SAMD12: variants seen among roughly 807,000 people sequenced by gnomAD.
The protein encoded by SAMD12 is sterile alpha motif domain-containing protein 12.
Under a neutral mutation model 15.0 loss-of-function variants are expected in SAMD12, and 9 were observed. That is an observed-to-expected ratio of 0.60 (90% CI 0.36 to 1.05). The LOEUF is 1.05. SAMD12 is among the 50% of genes least tolerant of loss of function. SAMD12 has a pLI of 0.01. For missense variants in SAMD12, 230 were observed against 234.2 expected (o/e 0.98, Z 0.12); for synonymous variants, 86 against 90.1 (o/e 0.96, Z 0.25).
At chr8:118,144,277 G>C in the SAMD12 span, among the ~76,000 whole-genome samples, 2 of 152,102 alleles carry the variant, frequency 1.3e-5, no homozygotes, top group African/African-American at 4.8e-5. Context: ...CACATCACAA[G>C]CTCCAATGTT....
At chr8:118,472,200 T>C (rs1250057206) in intron 2 of SAMD12, among the ~76,000 whole-genome samples, 1 of 150,678 alleles carries the variant, frequency 6.6e-6, no homozygotes, top group Non-Finnish European at 1.5e-5. Flanking sequence ...GGCAGGAGTA[T>C]GGCGTGAACC....
At chr8:118,287,120 A>ATTTTTT (rs202195351) in intron 4 of SAMD12, among the ~76,000 whole-genome samples, 1 of 132,808 alleles carries the variant, frequency 7.5e-6, no homozygotes, top group African/African-American at 3.0e-5. Flanking sequence ...GTAAGGAAGA[A>ATTTTTT]TATTTTTTTT....
chr8:118,366,548 C>A (rs1818776772), intron 4 of SAMD12, among the ~76,000 whole-genome samples: 2 of 152,100 alleles, frequency 1.3e-5, no homozygotes, highest in South Asian at 4.1e-4. Flanking sequence ...CACGGTGGCT[C>A]ATGCCTGTAA....
intron 2 of SAMD12, among the ~76,000 whole-genome samples, chr8:118,550,857 A>T (rs576659817): frequency 3.3e-5 from 5 of 150,818 alleles, no homozygotes; most frequent in Admixed American, 3.3e-4. Context: ...ATGGAAAACA[A>T]AAAAAGGCAG....
chr8:118,400,461 C>CA (rs112932723), intron 3 of SAMD12: 1 of 151,708 alleles, frequency 6.6e-6, no homozygotes, highest in African/African-American at 2.4e-5. Context: ...AAGAGAGTAA[C>CA]AAAAACAGAG....
chr8:118,605,765 AATATATATATATATAT>A (rs55785102), intron 1 of SAMD12, among the ~76,000 whole-genome samples: 5 of 127,604 alleles, frequency 3.9e-5, no homozygotes, highest in South Asian at 2.7e-4. Context: ...AACCCATCAC[AATATATATATATATAT>A]ATATATATAT....
intron 4 of SAMD12, among the ~76,000 whole-genome samples, chr8:118,318,331 T>TATATATATATAC (rs2130436140): frequency 6.3e-5 from 5 of 79,708 alleles, no homozygotes; most frequent in East Asian, 2.9e-4. Flanking sequence ...TATATATATA[T>TATATATATATAC]ATATATATAT....
the SAMD12 span, among the ~76,000 whole-genome samples, chr8:118,152,244 G>A: frequency 6.6e-6 from 1 of 152,068 alleles, no homozygotes; most frequent in Non-Finnish European, 1.5e-5. Context: ...TTTAAAGTTG[G>A]GATCTGACTA....
At chr8:118,144,747 A>C in the SAMD12 span, among the ~76,000 whole-genome samples, 3 of 152,148 alleles carry the variant, frequency 2.0e-5, no homozygotes, top group African/African-American at 7.2e-5. Context: ...TCTAACTCTC[A>C]CTAGAAATTC....
At chr8:118,209,412 G>C (rs1488191552) in intron 4 of SAMD12, among the ~76,000 whole-genome samples, 2 of 152,162 alleles carry the variant, frequency 1.3e-5, no homozygotes, top group Non-Finnish European at 2.9e-5. Context: ...AATTTCCATT[G>C]AGGAAAGAGT....
intron 4 of SAMD12, among the ~76,000 whole-genome samples, chr8:118,349,146 G>A (rs926722157): frequency 2.0e-5 from 3 of 152,066 alleles, no homozygotes; most frequent in Non-Finnish European, 4.4e-5. Flanking sequence ...AAAAGAACAG[G>A]GAAAGATGCC....
chr8:118,326,097 G>C (rs779493950), intron 4 of SAMD12, among the ~76,000 whole-genome samples: 2 of 152,138 alleles, frequency 1.3e-5, no homozygotes, highest in Non-Finnish European at 2.9e-5. Context: ...ATCACACCTG[G>C]TGCTTCAATT....
rs577870238 is a variant in SAMD12, at chr8:118,424,372, G to A, written c.322+15460C>T. On this transcript the variant is annotated intron_variant, in intron 3 of 3. Coordinates refer to ENST00000314727, the MANE Select transcript of SAMD12 (RefSeq NM_207506.3). ...AGCCAATACCAACTTTATAAGATAC[G>A]TATTATCATAATTTAATTTTAGGGA... Among the ~76,000 whole-genome samples the A allele has an allele frequency of 1.1e-4, 16 of 152,070 alleles. No homozygotes were observed. In the South Asian group the frequency reaches 2.5e-3, roughly 24 times the overall value.
At chr8:118,250,903 CT>C (rs1812805665) in intron 4 of SAMD12, among the ~76,000 whole-genome samples, 1 of 152,130 alleles carries the variant, frequency 6.6e-6, no homozygotes, top group East Asian at 1.9e-4. Flanking sequence ...CAAAGAGAGT[CT>C]GTCCTACACA....
chr8:118,250,503 ATTT>A (rs112780663), intron 4 of SAMD12, among the ~76,000 whole-genome samples: 125 of 138,732 alleles, frequency 9.0e-4, no homozygotes, highest in African/African-American at 3.0e-3. Context: ...GCAAAAATGG[ATTT>A]TTTTTTTTTT....
At chr8:118,343,400 A>T (rs1817471330) in intron 4 of SAMD12, among the ~76,000 whole-genome samples, 1 of 80,172 alleles carries the variant, frequency 1.2e-5, no homozygotes, top group Non-Finnish European at 2.3e-5. Flanking sequence ...GCTAACCAGA[A>T]ATGCAACATG....
intron 4 of SAMD12, among the ~76,000 whole-genome samples, chr8:118,318,325 T>TATATATATATAC (rs1816036148): frequency 7.9e-5 from 2 of 25,222 alleles, no homozygotes; most frequent in Non-Finnish European, 3.1e-4. Context: ...TATATATATA[T>TATATATATATAC]ATATATATAT....
the SAMD12 span, among the ~76,000 whole-genome samples, chr8:118,139,776 G>A: frequency 3.0e-4 from 45 of 152,220 alleles, no homozygotes; most frequent in African/African-American, 1.1e-3. Context: ...GCTGGACCCC[G>A]TATCTTCTTC....
chr8:118,225,231 T>C (rs533967180), intron 4 of SAMD12, among the ~76,000 whole-genome samples: 1 of 152,326 alleles, frequency 6.6e-6, no homozygotes, highest in Admixed American at 6.5e-5. Flanking sequence ...CAAAAAACTA[T>C]GCCCCATTCA....
Sources: allele counts gnomAD v4.1 joint callset (sites outside exome capture counted in the v4.1 genomes callset), GRCh38; gene constraint gnomAD v4.1.1; transcripts MANE v1.5; gene names NCBI Gene and HGNC (gene_info 2026-07-23, HGNC 2026-07-21).